Variants in NELL1 observed in about 807,000 individuals in gnomAD.
NELL1 encodes neural EGFL like 1, also known as protein kinase C-binding protein NELL1.
A neutral mutation model predicts 107.4 loss-of-function variants in NELL1; 76 were observed. The observed-to-expected ratio is 0.71, with a 90% confidence interval of 0.59 to 0.86. NELL1 has a LOEUF of 0.86. Among genes scored for constraint, NELL1 ranks in the 40% least tolerant of loss-of-function variants. The probability of loss-of-function intolerance (pLI) is 0.00; values close to 1 mark genes in which losing one functional copy is unlikely to be tolerated. For synonymous variants in NELL1, 353 were observed against 341.2 expected, an observed-to-expected ratio of 1.03 and a Z score of -0.38; for missense variants, 1,024 against 1,005.5, an observed-to-expected ratio of 1.02 and a Z score of -0.25.
Position 21,040,667 on chromosome 11 carries a change from A to G in NELL1, c.1301-72922A>G, listed in dbSNP as rs559914721. Among the ~76,000 whole-genome samples, 15 of 152,308 alleles carry G rather than the reference A, an allele frequency of 9.8e-5. No homozygotes were observed. In the South Asian group the frequency reaches 2.5e-3, roughly 25 times the overall value. ...CCAGTCTTTGACTTCTTTGGTCCTC[A>G]TAGCCAATCTTAGATTAAAAAGACC... On this transcript the variant is annotated intron_variant, in intron 12 of 19. Transcript: ENST00000357134.
intron 14 of NELL1, among the ~76,000 whole-genome samples, chr11:21,277,865 C>G (rs1848903816): frequency 6.6e-6 from 1 of 152,014 alleles, no homozygotes; most frequent in African/African-American, 2.4e-5. Context: ...CACACGGACA[C>G]AGGAATAGGA....
Position 20,697,126 on chromosome 11 carries a change from C to A in NELL1, c.184+19066C>A, listed in dbSNP as rs557196056. ...TTTAGCAACAAATTAGCGATGGTGC[C>A]GGGAAAAGAATGAGTGTCTATGGGT... On this transcript the variant is annotated intron_variant, in intron 2 of 19. Transcript: ENST00000357134. Among the ~76,000 whole-genome samples, 3 of 152,134 alleles carry A rather than the reference C, an allele frequency of 2.0e-5. 1 individual carries two copies. In the East Asian group the frequency reaches 5.8e-4, roughly 29 times the overall value.
At chr11:21,001,110 T>G (rs1405436114) in intron 12 of NELL1, 2 of 152,200 alleles carry the variant, frequency 1.3e-5, no homozygotes, top group Non-Finnish European at 2.9e-5. Context: ...AGTAGCATCT[T>G]CAAGGCCATA....
chr11:21,523,946 T>C (rs1046418545), intron 15 of NELL1, among the ~76,000 whole-genome samples: 1 of 152,166 alleles, frequency 6.6e-6, no homozygotes, highest in African/African-American at 2.4e-5. Flanking sequence ...TGTATGCATT[T>C]GTTCCTGTTT....
At chr11:21,480,536 A>G (rs922353029) in intron 15 of NELL1, among the ~76,000 whole-genome samples, 6 of 152,192 alleles carry the variant, frequency 3.9e-5, no homozygotes, top group African/African-American at 1.4e-4. Context: ...AAATTGTCAC[A>G]CTTATCTGAC....
intron 13 of NELL1, among the ~76,000 whole-genome samples, chr11:21,172,920 G>GTC (rs1372642498): frequency 8.5e-6 from 1 of 118,264 alleles, no homozygotes; most frequent in Non-Finnish European, 1.9e-5. Context: ...GTGTGTGTCT[G>GTC]TCTGTGTGTG....
At chr11:21,141,241 A>T (rs995236435) in intron 13 of NELL1, among the ~76,000 whole-genome samples, 1 of 152,240 alleles carries the variant, frequency 6.6e-6, no homozygotes. Context: ...TAGAATATTA[A>T]AAGAAAGAAT....
chr11:21,113,806 C>T (rs527538614), intron 13 of NELL1, 92 bp downstream of exon 13: 1 of 1,290,618 alleles, frequency 7.7e-7, no homozygotes, highest in African/African-American at 1.5e-5. Flanking sequence ...GCACAAAGTA[C>T]TATTTTTATC....
At chr11:21,423,253 C>T (rs977998317) in intron 15 of NELL1, among the ~76,000 whole-genome samples, 1 of 151,902 alleles carries the variant, frequency 6.6e-6, no homozygotes, top group Non-Finnish European at 1.5e-5. Flanking sequence ...ACCTGTAGTC[C>T]CAGCTACTCG....
chr11:21,200,390 T>C (rs1017255585), intron 13 of NELL1, among the ~76,000 whole-genome samples: 1 of 152,208 alleles, frequency 6.6e-6, no homozygotes, highest in African/African-American at 2.4e-5. Flanking sequence ...ATTTCTCTAA[T>C]GACGAGTGAT....
chr11:21,113,813 T>C (rs1169085541), intron 13 of NELL1, 99 bp downstream of exon 13: 1 of 1,245,106 alleles, frequency 8.0e-7, no homozygotes, highest in Non-Finnish European at 1.1e-6. Context: ...GTACTATTTT[T>C]ATCTAAATAG....
At chr11:20,842,743 C>A (rs1380939246) in intron 3 of NELL1, among the ~76,000 whole-genome samples, 1 of 152,078 alleles carries the variant, frequency 6.6e-6, no homozygotes, top group Non-Finnish European at 1.5e-5. Context: ...AAGGTTGTTA[C>A]GAGGATTACA....
chr11:21,370,413 A>C (rs917725257), intron 14 of NELL1, among the ~76,000 whole-genome samples: 2 of 152,120 alleles, frequency 1.3e-5, no homozygotes, highest in Non-Finnish European at 2.9e-5. Context: ...GGACTATCAG[A>C]AATCTTTTTT....
chr11:20,691,814 G>A (rs1854474369), intron 2 of NELL1, among the ~76,000 whole-genome samples: 1 of 152,094 alleles, frequency 6.6e-6, no homozygotes, highest in African/African-American at 2.4e-5. Flanking sequence ...GAGTTAGGGA[G>A]GATTCCCTCT....
chr11:21,111,776 C>G (rs1283877825), intron 12 of NELL1, among the ~76,000 whole-genome samples: 7 of 152,004 alleles, frequency 4.6e-5, no homozygotes, highest in Non-Finnish European at 8.8e-5. Flanking sequence ...TGGGGAAATA[C>G]AATTGTGCTA....
intron 5 of NELL1, among the ~76,000 whole-genome samples, chr11:20,910,410 G>A (rs1425793255): frequency 2.0e-5 from 3 of 152,140 alleles, no homozygotes; most frequent in Non-Finnish European, 2.9e-5. Context: ...AAATGTGTGA[G>A]TACAAATGGG....
chr11:20,724,109 G>A (rs1318393294), intron 2 of NELL1, among the ~76,000 whole-genome samples: 1 of 152,002 alleles, frequency 6.6e-6, no homozygotes, highest in East Asian at 1.9e-4. Flanking sequence ...CCTGGGCCTG[G>A]CCTATGAAGC....
chr11:20,697,629 C>G (rs763940089), intron 2 of NELL1, among the ~76,000 whole-genome samples: 8 of 152,084 alleles, frequency 5.3e-5, no homozygotes, highest in Non-Finnish European at 1.2e-4. Flanking sequence ...GTAAAGATCT[C>G]AGCCTCAACT....
intron 4 of NELL1, among the ~76,000 whole-genome samples, chr11:20,849,790 G>A (rs1269619375): frequency 1.4e-4 from 21 of 152,192 alleles, no homozygotes; most frequent in Admixed American, 1.2e-3. Flanking sequence ...TGATTTTCAT[G>A]TAGGAAAAGG....
Sources: gnomAD v4.1 joint callset for allele counts (sites outside exome capture counted in the v4.1 genomes callset) on GRCh38, gnomAD v4.1.1 for gene constraint, MANE v1.5 for transcripts, NCBI Gene and HGNC (gene_info 2026-07-23, HGNC 2026-07-21) for gene names.